The following LRP5 variants were observed in gnomAD, a reference collection of about 807,000 sequenced individuals.
LRP5 encodes LDL receptor related protein 5, also known as low-density lipoprotein receptor-related protein 5.
LRP5 carries 62 observed loss-of-function variants against 154.1 expected under a neutral mutation model. The ratio of observed to expected loss-of-function variants is 0.40; its 90% CI spans 0.33 to 0.50. LRP5 has a LOEUF of 0.50. Among genes scored for constraint, LRP5 ranks in the 20% least tolerant of loss-of-function variants. The probability of loss-of-function intolerance (pLI) is 0.55; values close to 1 mark genes in which losing one functional copy is unlikely to be tolerated. For synonymous variants in LRP5, 966 were observed against 1,011.5 expected (o/e 0.96, Z 0.85); for missense variants, 1,915 against 2,336.7 (o/e 0.82, Z 3.72).
At chr11:68,394,715 C>T (rs376558366) in intron 7 of LRP5, among the ~76,000 whole-genome samples, 4 of 152,250 alleles carry the variant, frequency 2.6e-5, no homozygotes, top group East Asian at 1.9e-4. Context: ...CCGCCCGTCT[C>T]GGCCTCCCAA....
the LRP5 span, among the ~76,000 whole-genome samples, chr11:68,299,550 G>C: frequency 7.9e-4 from 119 of 151,244 alleles, no homozygotes; most frequent in African/African-American, 2.7e-3. Flanking sequence ...GAGTGCTCAG[G>C]GACCCTGAGG....
intron 18 of LRP5, among the ~76,000 whole-genome samples, chr11:68,434,350 TTTCATTCATTCATTCATTCATTCATTCA>T (rs3138551): frequency 7.0e-6 from 1 of 143,348 alleles, no homozygotes; most frequent in Admixed American, 6.9e-5. Context: ...GTGAGTTTTC[TTTCATTCATTCATTCATTCATTCATTCA>T]TTCATTCATT....
chr11:68,395,423 T>G (rs891456678), intron 7 of LRP5, among the ~76,000 whole-genome samples: 1 of 151,998 alleles, frequency 6.6e-6, no homozygotes, highest in Non-Finnish European at 1.5e-5. Context: ...GCTCATTACC[T>G]GACGATTTGG....
At chr11:68,403,846 A>T in intron 8 of LRP5, 147 bp downstream of exon 8, 2 of 894,682 alleles carry the variant, frequency 2.2e-6, no homozygotes, top group South Asian at 1.6e-5. Context: ...TATCTGGCCA[A>T]GGACAGATGG....
chr11:68,431,249 T>TCC (rs1294645248), intron 17 of LRP5, among the ~76,000 whole-genome samples: 168 of 148,404 alleles, frequency 1.1e-3, no homozygotes, highest in Non-Finnish European at 2.0e-3. Context: ...TTTTTTTTTT[T>TCC]TTTTTTTGAG....
chr11:68,377,433 A>G (rs1057308419), intron 5 of LRP5, among the ~76,000 whole-genome samples: 1 of 152,182 alleles, frequency 6.6e-6, no homozygotes, highest in Non-Finnish European at 1.5e-5. Context: ...TGCAGGTGAC[A>G]GTGGCCGGCC....
chr11:68,386,564 G>A lies in LRP5; in HGVS notation c.1264G>A (p.Ala422Thr), dbSNP rs774342727. 4 of 1,613,740 alleles carry A rather than the reference G, an allele frequency of 2.5e-6. No homozygotes were observed. Among genetic ancestry groups the A allele is most frequent in the Admixed American group, 1.7e-5 (1 of 60,002 alleles). The change falls in exon 6 of 23, where the codon GCG (alanine) becomes ACG (threonine). Residue 422 changes from alanine (A) to threonine (T), a missense_variant. Physicochemically the swap from Ala to Thr is moderately conservative, Grantham distance 58. Coordinates refer to ENST00000294304, the MANE Select transcript of LRP5 (RefSeq NM_002335.4). The surrounding 1 kb of genome is among the most constrained non-coding windows in gnomAD (Gnocchi z 7.9). Reference protein sequence around the residue: ...NTEINDPDGIAVDWVARNLYW... With the variant: ...NTEINDPDGITVDWVARNLYW... ...CGAGATCAACGACCCCGATGGCATCGCGGTCGACTGGGTGGCCCGAAACCT... is the reference window on the plus strand; with the variant it reads ...CGAGATCAACGACCCCGATGGCATCACGGTCGACTGGGTGGCCCGAAACCT...
At chr11:68,345,595 G>GT (rs1359015331) in intron 1 of LRP5, among the ~76,000 whole-genome samples, 1 of 152,196 alleles carries the variant, frequency 6.6e-6, no homozygotes, top group Admixed American at 6.5e-5. Flanking sequence ...CTGCCTCCAT[G>GT]TTTTAGCTGT....
intron 1 of LRP5, among the ~76,000 whole-genome samples, chr11:68,345,019 TG>T (rs1307287108): frequency 6.6e-6 from 1 of 151,752 alleles, no homozygotes; most frequent in Non-Finnish European, 1.5e-5. Flanking sequence ...CGTGCCACCA[TG>T]CCTTGCTAAT....
chr11:68,371,044 C>T (rs2098633748), intron 5 of LRP5, among the ~76,000 whole-genome samples: 1 of 152,254 alleles, frequency 6.6e-6, no homozygotes, highest in Non-Finnish European at 1.5e-5. Flanking sequence ...ACCCGCTTCC[C>T]GTTAATTAAC....
In LRP5 at chr11:68,431,930, G is replaced by A. The variant is rs368459021; in HGVS notation, c.3764-1672G>A. ...TCCAGGCCCCTTCCTCACGGCTCGA[G>A]AGACGTGTATTTACCGCACAGGTGC... On this transcript the variant is annotated intron_variant, in intron 17 of 22. Coordinates refer to ENST00000294304, the MANE Select transcript of LRP5 (RefSeq NM_002335.4). Among the ~76,000 whole-genome samples, 10 of 152,322 alleles carry A rather than the reference G, an allele frequency of 6.6e-5. No homozygotes were observed. In the East Asian group the frequency reaches 1.7e-3, roughly 26 times the overall value.
intron 21 of LRP5, among the ~76,000 whole-genome samples, chr11:68,444,976 G>T (rs2098680624): frequency 1.3e-5 from 2 of 152,086 alleles, no homozygotes; most frequent in African/African-American, 4.8e-5. Context: ...GCCCAGTGCG[G>T]CTTCCTAAAG....
intron 5 of LRP5, among the ~76,000 whole-genome samples, chr11:68,380,165 G>C (rs146924497): frequency 7.2e-4 from 109 of 152,336 alleles, no homozygotes; most frequent in African/African-American, 2.4e-3. Flanking sequence ...TCTTGTACGA[G>C]GGTCATTTGG....
At chr11:68,441,406 C>G (rs771071473) in intron 21 of LRP5, among the ~76,000 whole-genome samples, 1 of 152,212 alleles carries the variant, frequency 6.6e-6, no homozygotes, top group Non-Finnish European at 1.5e-5. Context: ...TGGCACCTGA[C>G]TGTGGTGGGC....
In LRP5 at chr11:68,430,669, CA is replaced by C. The variant is rs35514881; in HGVS notation, c.3763+970del. Among the ~76,000 whole-genome samples, 170 of 152,306 alleles carry C rather than the reference CA, an allele frequency of 1.1e-3. 1 individual carries two copies. Among genetic ancestry groups the C allele is most frequent in the African/African-American group, 4.0e-3 (165 of 41,550 alleles). Reference sequence around the variant, plus strand: ...GCCTGCTTGAGCTGTCAGTTATTGACAGGGGTGTGGAGTCTCCAACTCTAAT... The same window carrying C: ...GCCTGCTTGAGCTGTCAGTTATTGACGGGGTGTGGAGTCTCCAACTCTAAT... On this transcript the variant is annotated intron_variant, in intron 17 of 22. Transcript: ENST00000294304.
intron 22 of LRP5, 21 bp from the exon 23 acceptor site, chr11:68,448,788 C>T (rs2098682809): frequency 2.5e-6 from 4 of 1,601,824 alleles, no homozygotes; most frequent in Non-Finnish European, 3.4e-6. Context: ...AATCCCACTC[C>T]TCTGTGTGTG....
intron 13 of LRP5, among the ~76,000 whole-genome samples, chr11:68,419,688 G>C (rs999537108): frequency 6.6e-6 from 1 of 151,794 alleles, no homozygotes; most frequent in Non-Finnish European, 1.5e-5. Context: ...GATTACAGGT[G>C]CCCATCACTA....
Position 68,410,024 on chromosome 11 carries a change from G to A in LRP5, c.2202G>A (p.Trp734Ter), listed in dbSNP as rs121908667. 6.2e-7 allele frequency: 1 copy of A among 1,613,904 alleles called. No homozygotes were observed. The part of the protein sequence containing the change: ...AVDWMGKNLY[W>*]ADTGTNRIEV... Reference sequence around the variant, plus strand: ...ACTGGATGGGCAAGAACCTCTACTGGGCCGACACTGGGACCAACAGAATCG... The same window carrying A: ...ACTGGATGGGCAAGAACCTCTACTGAGCCGACACTGGGACCAACAGAATCG... The change falls in exon 10 of 23, where the codon TGG (tryptophan) becomes TGA (stop). Residue 734 changes from tryptophan (W) to a stop codon, truncating the protein, a stop_gained. Transcript: ENST00000294304. LOFTEE classifies it high-confidence loss of function.
chr11:68,406,374 C>T lies in LRP5; in HGVS notation c.1802-150C>T, dbSNP rs1329209080. On this transcript the variant is annotated intron_variant, in intron 8 of 22. Transcript: ENST00000294304. Reference sequence around the variant, plus strand: ...GAGGGTTTAGCCTGGCCAACCCAGCCATGAGGTCGGACCTGACCCGGGGGT... The same window carrying T: ...GAGGGTTTAGCCTGGCCAACCCAGCTATGAGGTCGGACCTGACCCGGGGGT... 5 of 816,736 alleles carry T rather than the reference C, an allele frequency of 6.1e-6. No homozygotes were observed. The East Asian group carries it at 1.2e-4, about 20-fold the overall frequency. The allele number at this position is 816,736 out of a possible 1,614,324, so 50.6% of individuals were successfully genotyped here.
Sources: gnomAD v4.1 joint callset for allele counts (sites outside exome capture counted in the v4.1 genomes callset) on GRCh38, gnomAD v4.1.1 for gene constraint, Gnocchi (gnomAD v3.1) non-coding constraint, MANE v1.5 for transcripts, NCBI Gene and HGNC (gene_info 2026-07-23, HGNC 2026-07-21) for gene names.